SEC14L5: variants seen among roughly 807,000 people sequenced by gnomAD.
SEC14L5 encodes SEC14 like lipid binding 5, also known as SEC14-like protein 5.
In SEC14L5, 96 loss-of-function variants were observed where a neutral mutation model predicts 84.6. That is an observed-to-expected ratio of 1.13 (90% CI 0.96 to 1.34). The LOEUF (loss-of-function observed/expected upper bound fraction) is 1.34, where lower values mean the gene tolerates loss of function less well. SEC14L5 is among the 40% of genes most tolerant of loss of function. The probability of loss-of-function intolerance (pLI) is 0.00; values close to 1 mark genes in which losing one functional copy is unlikely to be tolerated. For synonymous variants in SEC14L5, 546 were observed against 383.4 expected, an observed-to-expected ratio of 1.42 and a Z score of -4.95; for missense variants, 1,224 against 942.5, an observed-to-expected ratio of 1.30 and a Z score of -3.91.
chr16:4,997,979 A>T (rs1955629611), intron 8 of SEC14L5, among the ~76,000 whole-genome samples: 1 of 145,906 alleles, frequency 6.9e-6, no homozygotes, highest in Non-Finnish European at 1.5e-5. Context: ...TAATTAACTA[A>T]TTACACCTGC....
At chr16:4,967,562 G>GTTTTTTT (rs869061549) in intron 2 of SEC14L5, among the ~76,000 whole-genome samples, 1 of 37,110 alleles carries the variant, frequency 2.7e-5, no homozygotes, top group African/African-American at 8.9e-5. Context: ...TCTTTCTTTC[G>GTTTTTTT]TTTTTTTTTT....
At chr16:4,967,967 C>T (rs1568104840) in intron 2 of SEC14L5, among the ~76,000 whole-genome samples, 1 of 135,942 alleles carries the variant, frequency 7.4e-6, no homozygotes, top group Non-Finnish European at 1.6e-5. Context: ...CCCCCTTCCC[C>T]TCCCTTCCCC....
chr16:4,975,599 T>A (rs1955330740), intron 2 of SEC14L5, among the ~76,000 whole-genome samples: 1 of 152,168 alleles, frequency 6.6e-6, no homozygotes, highest in South Asian at 2.1e-4. Flanking sequence ...TGGCTCCATA[T>A]TTTTGCAATT....
At chr16:5,001,463 G>A (rs1260768304) in intron 10 of SEC14L5, among the ~76,000 whole-genome samples, 2 of 152,032 alleles carry the variant, frequency 1.3e-5, no homozygotes, top group Admixed American at 6.6e-5. Flanking sequence ...GTTTCACTGT[G>A]TTAGCCAGAA....
At chr16:4,984,090 A>G (rs984936496) in intron 2 of SEC14L5, among the ~76,000 whole-genome samples, 1 of 152,104 alleles carries the variant, frequency 6.6e-6, no homozygotes, top group Non-Finnish European at 1.5e-5. Flanking sequence ...GATTCATAAT[A>G]TTGTGCAAGC....
rs563445830 is a variant in SEC14L5, at chr16:5,017,585, T to C, written c.*2615T>C. On this transcript the variant is annotated 3_prime_UTR_variant, in exon 16 of 16. Transcript: ENST00000251170. ...AAGGCTCTGATTGGCCCAGCTCGAG[T>C]CACATGCTTATTCCTGTGGGCCACA... 2 of 152,154 alleles carry C rather than the reference T, an allele frequency of 1.3e-5. No individual in the cohort carries two copies. Among genetic ancestry groups the C allele is most frequent in the Non-Finnish European group, 2.9e-5 (2 of 68,048 alleles). The allele number at this position is 152,154 out of a possible 1,614,324, so 9.4% of individuals were successfully genotyped here.
Position 4,959,395 on chromosome 16 carries a change from C to A in SEC14L5, c.63+9C>A, listed in dbSNP as rs1443723828. The A allele has an allele frequency of 1.2e-6, 2 of 1,612,762 alleles. No individual in the cohort carries two copies. Among genetic ancestry groups the A allele is most frequent in the Non-Finnish European group, 1.7e-6 (2 of 1,178,884 alleles). ...TTGAGCTGGTCATGGCGGTGAGTGA[C>A]TCCTGATTCTTGGGCCCCCATGTGA... On this transcript the variant is annotated intron_variant, in intron 2 of 15. Transcript: ENST00000251170.
intron 7 of SEC14L5, 69 bp from the exon 8 acceptor site, chr16:4,996,786 G>C (rs2270260): frequency 0.46 from 575,749 of 1,239,912 alleles, 135,850 homozygotes; most frequent in Middle Eastern, 0.49. Flanking sequence ...TGCCCCGGCT[G>C]GTTCTGTAAT....
At chr16:4,977,036 G>A (rs1317037299) in intron 2 of SEC14L5, among the ~76,000 whole-genome samples, 1 of 152,220 alleles carries the variant, frequency 6.6e-6, no homozygotes, top group African/African-American at 2.4e-5. Flanking sequence ...GCTGGGCCCT[G>A]TTTGGTCTCT....
In SEC14L5 at chr16:4,991,843, G is replaced by A; in HGVS notation, c.480G>A (p.Lys160=). ...KQYTANVKRG[K]EVIEHYLNEL... The stretch of plus-strand genomic sequence containing the variant: ...TGGGTCTCTCTGGCTTCCAGGGGAA[G>A]GAGGTGATTGAGCATTACCTGAATG... The change falls in exon 6 of 16, where the codon AAG becomes AAA. Residue 160 remains lysine, a synonymous_variant. Coordinates refer to ENST00000251170, the MANE Select transcript of SEC14L5 (RefSeq NM_014692.2). The A allele has an allele frequency of 1.2e-6, 2 of 1,602,402 alleles. No individual in the cohort carries two copies. The highest frequency in any genetic ancestry group is 8.5e-7 in the Non-Finnish European group (1 of 1,174,210).
intron 11 of SEC14L5, 49 bp downstream of exon 11, chr16:5,003,622 G>A: frequency 4.9e-6 from 2 of 406,246 alleles, no homozygotes; most frequent in Non-Finnish European, 4.9e-6. Context: ...TGGGTGGGAT[G>A]GGAGGGGTTC....
intron 2 of SEC14L5, among the ~76,000 whole-genome samples, chr16:4,976,659 G>GT (rs1425496705): frequency 1.3e-5 from 2 of 152,166 alleles, no homozygotes; most frequent in Non-Finnish European, 2.9e-5. Flanking sequence ...ATGGGGACCC[G>GT]TAAGAGGCAG....
intron 2 of SEC14L5, among the ~76,000 whole-genome samples, chr16:4,962,178 A>AAG (rs1319000698): frequency 6.6e-6 from 1 of 151,598 alleles, no homozygotes; most frequent in Non-Finnish European, 1.5e-5. Flanking sequence ...AAAAAAAAAA[A>AAG]AAAAGAAAAA....
Position 5,007,479 on chromosome 16 carries a change from C to T in SEC14L5, c.1565C>T (p.Pro522Leu), listed in dbSNP as rs377438830. The T allele has an allele frequency of 1.9e-6, 3 of 1,613,248 alleles. No individual in the cohort carries two copies. Among genetic ancestry groups the T allele is most frequent in the Non-Finnish European group, 1.7e-6 (2 of 1,179,768 alleles). Residue 522 changes from proline (P) to leucine (L), a missense_variant, in exon 13 of 16, where the codon CCC becomes CTC. Coordinates refer to ENST00000251170, the MANE Select transcript of SEC14L5 (RefSeq NM_014692.2). Reference sequence around the variant, plus strand: ...TCAGCCAGCGTGCTCCGCGGAGCCCCCCACGAGGTGCCAGGGCCTGGCCGG... The same window carrying T: ...TCAGCCAGCGTGCTCCGCGGAGCCCTCCACGAGGTGCCAGGGCCTGGCCGG... ...YHSASVLRGA[P>L]HEVAVEILEG...
chr16:4,983,749 T>G (rs1955454507), intron 2 of SEC14L5, among the ~76,000 whole-genome samples: 2 of 151,814 alleles, frequency 1.3e-5, no homozygotes, highest in Non-Finnish European at 2.9e-5. Flanking sequence ...TAGTGGCGTG[T>G]GCCTGTAATC....
chr16:4,984,241 T>C (rs563647973), intron 2 of SEC14L5, among the ~76,000 whole-genome samples: 1 of 152,308 alleles, frequency 6.6e-6, no homozygotes, highest in Non-Finnish European at 1.5e-5. Context: ...TTTCTGTCTC[T>C]CTCTATTTGC....
intron 2 of SEC14L5, 109 bp downstream of exon 2, chr16:4,959,495 A>G: frequency 1.1e-6 from 1 of 922,570 alleles, no homozygotes; most frequent in Non-Finnish European, 1.8e-6. Flanking sequence ...AGAAGGAATT[A>G]GTGAGTTACT....
intron 2 of SEC14L5, among the ~76,000 whole-genome samples, chr16:4,968,748 C>G (rs914455067): frequency 1.3e-5 from 2 of 152,242 alleles, no homozygotes; most frequent in Non-Finnish European, 2.9e-5. Context: ...AGCGTCAGGT[C>G]ATCTCTGTTT....
chr16:4,975,066 C>A (rs778411820), intron 2 of SEC14L5, among the ~76,000 whole-genome samples: 21 of 152,030 alleles, frequency 1.4e-4, no homozygotes, highest in Non-Finnish European at 2.9e-4. Flanking sequence ...GTGTGAGCTA[C>A]CGCGCCCAGC....
Sources: gnomAD v4.1 joint callset for allele counts (sites outside exome capture counted in the v4.1 genomes callset) on GRCh38, gnomAD v4.1.1 for gene constraint, MANE v1.5 for transcripts, NCBI Gene and HGNC (gene_info 2026-07-23, HGNC 2026-07-21) for gene names.